The following EPB41L4B variants were observed in gnomAD, a reference collection of about 807,000 sequenced individuals.
The protein encoded by EPB41L4B is band 4.1-like protein 4B.
Under a neutral mutation model 112.5 loss-of-function variants are expected in EPB41L4B, and 30 were observed. The ratio of observed to expected loss-of-function variants is 0.27; its 90% confidence interval spans 0.20 to 0.36. The LOEUF (loss-of-function observed/expected upper bound fraction) is 0.36, where lower values mean the gene tolerates loss of function less well. EPB41L4B is among the 10% of genes least tolerant of loss of function. The pLI, the probability that EPB41L4B is intolerant of heterozygous loss-of-function variation, is 1.00. For synonymous variants in EPB41L4B, 408 were observed against 439.7 expected, an observed-to-expected ratio of 0.93 and a Z score of 0.90; for missense variants, 1,024 against 1,133.3, an observed-to-expected ratio of 0.90 and a Z score of 1.38.
At chr9:109,249,072 A>AAAATAT (rs1433334004) in intron 13 of EPB41L4B, among the ~76,000 whole-genome samples, 2 of 130,900 alleles carry the variant, frequency 1.5e-5, no homozygotes, top group African/African-American at 5.7e-5. Flanking sequence ...AAAAAAAAAA[A>AAAATAT]ATATATATAT....
chr9:109,290,710 C>CATATATATATATATATAT (rs138734040), intron 1 of EPB41L4B, among the ~76,000 whole-genome samples: 5 of 145,900 alleles, frequency 3.4e-5, no homozygotes, highest in African/African-American at 1.3e-4. Context: ...GGAAACTAGC[C>CATATATATATATATATAT]ATATATATAT....
chr9:109,180,240 A>C (rs2118601980), intron 24 of EPB41L4B, among the ~76,000 whole-genome samples: 1 of 152,214 alleles, frequency 6.6e-6, no homozygotes, highest in Non-Finnish European at 1.5e-5. Context: ...ACTCTTGCTC[A>C]GTTCTTAAAA....
intron 22 of EPB41L4B, among the ~76,000 whole-genome samples, chr9:109,187,562 C>A (rs1287216815): frequency 6.6e-6 from 1 of 152,138 alleles, no homozygotes; most frequent in African/African-American, 2.4e-5. Context: ...GTATATCCTG[C>A]AGAAATATGT....
At position 109,320,717 on chromosome 9, in the gene EPB41L4B, C is replaced by G. The variant is rs1221540599; in HGVS notation, c.-271G>C. On this transcript the variant is annotated 5_prime_UTR_variant, in exon 1 of 26. Transcript: ENST00000374566. Reference sequence around the variant, plus strand: ...GGCCGTCCCGCCGCCGCCGCCGCCGCGCGCTCTCCCGGGCCGGCGGCCTGC... The same window carrying G: ...GGCCGTCCCGCCGCCGCCGCCGCCGGGCGCTCTCCCGGGCCGGCGGCCTGC... 6.9e-6 allele frequency: 1 copy of G among 144,684 alleles called. No individual in the cohort carries two copies. Among genetic ancestry groups the G allele is most frequent in the Non-Finnish European group, 1.5e-5 (1 of 65,290 alleles). 9.0% of individuals were successfully genotyped at this position (144,684 alleles called of 1,614,324 possible). A position where few individuals can be genotyped will look rare whatever the true frequency, so the allele number is the denominator to read the frequency against.
chr9:109,298,313 C>T (rs1424317231), intron 1 of EPB41L4B, among the ~76,000 whole-genome samples: 2 of 143,090 alleles, frequency 1.4e-5, no homozygotes. Flanking sequence ...ATCATATATG[C>T]TTTTTTTTTT....
intron 1 of EPB41L4B, chr9:109,300,712 G>A (rs932518936): frequency 1.1e-4 from 17 of 152,084 alleles, no homozygotes; most frequent in African/African-American, 3.6e-4. Context: ...CTTGAACCCC[G>A]GAGATGGACA....
chr9:109,211,466 G>A lies in EPB41L4B; in HGVS notation c.1752+2234C>T, dbSNP rs184542705. On this transcript the variant is annotated intron_variant, in intron 17 of 25. Transcript: ENST00000374566. ...AAAAATTAGCCAGGTGTGGTGGTGC[G>A]TGCCTGTAATCTCAGCTACTTGGGA... Among the ~76,000 whole-genome samples the A allele has an allele frequency of 2.3e-3, 347 of 151,518 alleles. 3 individuals carry two copies. The highest frequency in any genetic ancestry group is 8.0e-3 in the African/African-American group (330 of 41,296).
intron 15 of EPB41L4B, chr9:109,240,628 A>G: frequency 1.0e-6 from 1 of 985,442 alleles, no homozygotes; most frequent in Non-Finnish European, 1.2e-6. Flanking sequence ...AAAAGACAAC[A>G]TATTGATTTC....
At chr9:109,273,059 G>A (rs1835686079) in intron 2 of EPB41L4B, among the ~76,000 whole-genome samples, 1 of 152,058 alleles carries the variant, frequency 6.6e-6, no homozygotes, top group African/African-American at 2.4e-5. Flanking sequence ...TGATGACCAA[G>A]CCCTATAAAC....
At chr9:109,215,373 A>G (rs1276067457) in intron 16 of EPB41L4B, among the ~76,000 whole-genome samples, 1 of 151,834 alleles carries the variant, frequency 6.6e-6, no homozygotes, top group Non-Finnish European at 1.5e-5. Context: ...TCCACCTCCC[A>G]GGTTCAAGTG....
At chr9:109,314,657 T>G (rs1588242936) in intron 1 of EPB41L4B, among the ~76,000 whole-genome samples, 1 of 152,032 alleles carries the variant, frequency 6.6e-6, no homozygotes. Context: ...TCAGCCTTTC[T>G]TTTAAAACAA....
chr9:109,176,652 A>T lies in EPB41L4B; in HGVS notation c.2532T>A (p.Thr844=). Residue 844 remains threonine (T), a synonymous_variant, in exon 25 of 26, where the codon ACT becomes ACA. Transcript: ENST00000374566. ...DSKLQCCPGP[T]SPLIPAATLR... ...GGGTCGCTGCTGGGATCAGCGGGGA[A>T]GTCGGGCCAGGACAGCACTGTAATT... The T allele has an allele frequency of 6.2e-7, 1 of 1,614,118 alleles. No individual in the cohort carries two copies. Among genetic ancestry groups the T allele is most frequent in the Non-Finnish European group, 8.5e-7 (1 of 1,180,006 alleles).
At chr9:109,226,771 T>A (rs1833794664) in intron 15 of EPB41L4B, among the ~76,000 whole-genome samples, 8 of 146,186 alleles carry the variant, frequency 5.5e-5, no homozygotes, top group African/African-American at 2.0e-4. Flanking sequence ...TATATATGAA[T>A]ATATATATGA....
chr9:109,312,460 C>T (rs1837451632), intron 1 of EPB41L4B, among the ~76,000 whole-genome samples: 1 of 152,146 alleles, frequency 6.6e-6, no homozygotes, highest in Non-Finnish European at 1.5e-5. Context: ...CCTTTGGGGG[C>T]TCAGGGGTCG....
rs904320273 is a variant in EPB41L4B, at chr9:109,254,987, G to A, written c.1169+524C>T. Among the ~76,000 whole-genome samples the A allele has an allele frequency of 2.0e-5, 3 of 152,250 alleles. No individual in the cohort carries two copies. In the East Asian group the frequency reaches 5.8e-4, roughly 29 times the overall value. ...CCGCTCTACCACTTACTGGCTGTGT[G>A]TGATTTTAAGCGTAATGCCTCTGGC... On this transcript the variant is annotated intron_variant, in intron 11 of 25. Transcript: ENST00000374566.
chr9:109,188,198 G>A (rs543638602), intron 22 of EPB41L4B, among the ~76,000 whole-genome samples: 2 of 152,276 alleles, frequency 1.3e-5, no homozygotes, highest in South Asian at 4.2e-4. Context: ...AAAAGAGATG[G>A]CTAGTTTGAC....
At chr9:109,175,902 G>A (rs945656252) in intron 25 of EPB41L4B, among the ~76,000 whole-genome samples, 21 of 152,072 alleles carry the variant, frequency 1.4e-4, no homozygotes, top group African/African-American at 3.4e-4. Context: ...GTTGCTCTGC[G>A]CAGTACTCCT....
intron 22 of EPB41L4B, among the ~76,000 whole-genome samples, chr9:109,186,848 A>T (rs1588120586): frequency 6.6e-6 from 1 of 152,098 alleles, no homozygotes; most frequent in East Asian, 1.9e-4. Context: ...AAACAAACTG[A>T]CCCTGACCCA....
In EPB41L4B at chr9:109,257,118, T is replaced by C. The variant is rs550748992; in HGVS notation, c.753-638A>G. On this transcript the variant is annotated intron_variant, in intron 7 of 25. Coordinates refer to ENST00000374566, the MANE Select transcript of EPB41L4B (RefSeq NM_019114.5). Reference sequence around the variant, plus strand: ...GTAAGTGTGTGGGTGGGGTGTGCCATACCCGCAGACATTTACGTTGTTTCA... The same window carrying C: ...GTAAGTGTGTGGGTGGGGTGTGCCACACCCGCAGACATTTACGTTGTTTCA... 2.0e-5 allele frequency among the ~76,000 whole-genome samples: 3 copies of C among 152,284 alleles called. No homozygotes were observed. In the South Asian group the frequency reaches 6.2e-4, roughly 32 times the overall value.
Sources: gnomAD v4.1 joint callset for allele counts (sites outside exome capture counted in the v4.1 genomes callset) on GRCh38, gnomAD v4.1.1 for gene constraint, MANE v1.5 for transcripts, NCBI Gene and HGNC (gene_info 2026-07-23, HGNC 2026-07-21) for gene names.